The following GPR55 variants were observed in gnomAD, a reference collection of about 807,000 sequenced individuals.
GPR55 encodes G protein-coupled receptor 55, also known as G-protein coupled receptor 55.
A neutral mutation model predicts 7.9 loss-of-function variants in GPR55; 6 were observed. The observed-to-expected ratio is 0.76, with a 90% CI of 0.41 to 1.49. The LOEUF (loss-of-function observed/expected upper bound fraction) is 1.49, where lower values mean the gene tolerates loss of function less well. Ranked by LOEUF, GPR55 falls within the 40% of genes most tolerant of loss-of-function variation. The probability of loss-of-function intolerance (pLI) is 0.01; values close to 1 mark genes in which losing one functional copy is unlikely to be tolerated. For missense variants in GPR55, 376 were observed against 406.0 expected, an observed-to-expected ratio of 0.93 and a Z score of 0.63; for synonymous variants, 183 against 166.8, an observed-to-expected ratio of 1.10 and a Z score of -0.75.
rs778750594 is a variant in GPR55, at chr2:230,910,786, G to A, written c.177C>T (p.Thr59=). Residue 59 remains threonine (T), a synonymous_variant, in exon 2 of 2, where the codon ACC becomes ACT. Coordinates refer to ENST00000650999, the MANE Select transcript of GPR55 (RefSeq NM_005683.4). The surrounding 1 kb of genome is among the most constrained non-coding windows in gnomAD (Gnocchi z 5.4). ...CTGCCAGGTTGATCATGTAGATGGAGGTGGCAGCATAATCGGGCCACCTGT... is the reference window on the plus strand; with the variant it reads ...CTGCCAGGTTGATCATGTAGATGGAAGTGGCAGCATAATCGGGCCACCTGT... ...LKNRWPDYAA[T]SIYMINLAVF... is the part of the protein sequence containing the mutation. 3.1e-6 allele frequency: 5 copies of A among 1,613,888 alleles called. No homozygotes were observed. Among genetic ancestry groups the A allele is most frequent in the Non-Finnish European group, 4.2e-6 (5 of 1,179,768 alleles).
At chr2:230,934,465 G>T (rs1574629813) in intron 1 of GPR55, among the ~76,000 whole-genome samples, 1 of 152,218 alleles carries the variant, frequency 6.6e-6, no homozygotes, top group Non-Finnish European at 1.5e-5. Context: ...TCCACTGAAA[G>T]CCCCAACCCT....
chr2:230,951,520 C>T (rs1691403711), intron 1 of GPR55, among the ~76,000 whole-genome samples: 1 of 152,170 alleles, frequency 6.6e-6, no homozygotes, highest in South Asian at 2.1e-4. Flanking sequence ...TGGCAGATGT[C>T]TAGGGAAGAG....
intron 1 of GPR55, among the ~76,000 whole-genome samples, chr2:230,914,104 G>T (rs2125049328): frequency 6.6e-6 from 1 of 152,318 alleles, no homozygotes; most frequent in African/African-American, 2.4e-5. Context: ...GTTCAAAGTG[G>T]CCAAGAAAAC....
chr2:230,958,032 G>T (rs936308316), intron 1 of GPR55: 2 of 299,112 alleles, frequency 6.7e-6, no homozygotes, highest in Middle Eastern at 5.4e-4. Flanking sequence ...AACATTTTAT[G>T]TACAATAAGC....
chr2:230,957,946 A>G, intron 1 of GPR55: 1 of 479,200 alleles, frequency 2.1e-6, no homozygotes, highest in Non-Finnish European at 4.2e-6. Context: ...GGGCAACAGC[A>G]GCAATTGAAC....
chr2:230,928,124 C>A (rs1690973067), upstream of GPR55, among the ~76,000 whole-genome samples: 1 of 152,154 alleles, frequency 6.6e-6, no homozygotes, highest in Non-Finnish European at 1.5e-5. Context: ...GGGGGAATGG[C>A]AGGAGCCGAG....
At chr2:230,921,472 T>G (rs1283093419) in intron 1 of GPR55, among the ~76,000 whole-genome samples, 1 of 152,238 alleles carries the variant, frequency 6.6e-6, no homozygotes, top group Non-Finnish European at 1.5e-5. Flanking sequence ...AATAGCTGTT[T>G]GTTGGTCCTG....
upstream of GPR55, among the ~76,000 whole-genome samples, chr2:230,926,098 C>T (rs192007842): frequency 6.2e-3 from 938 of 152,294 alleles, 4 homozygotes; most frequent in Non-Finnish European, 8.9e-3. Context: ...AAAAGCTATG[C>T]GTGCTGGGAC....
At chr2:230,934,472 C>T (rs1339910105) in intron 1 of GPR55, among the ~76,000 whole-genome samples, 1 of 152,194 alleles carries the variant, frequency 6.6e-6, no homozygotes, top group African/African-American at 2.4e-5. Context: ...AAAGCCCCAA[C>T]CCTGAGCTCT....
intron 1 of GPR55, among the ~76,000 whole-genome samples, chr2:230,940,928 G>A (rs575870364): frequency 6.6e-6 from 1 of 152,108 alleles, no homozygotes; most frequent in African/African-American, 2.4e-5. Context: ...ACCAGCCTGG[G>A]CAATACGGTG....
rs552068642 is a variant in GPR55, at chr2:230,934,698, G to A, written c.-134-23602C>T. 2.2e-3 allele frequency among the ~76,000 whole-genome samples: 339 copies of A among 152,294 alleles called. 2 individuals carry two copies. Among genetic ancestry groups the A allele is most frequent in the Non-Finnish European group, 4.1e-3 (278 of 68,022 alleles). Reference sequence around the variant, plus strand: ...TGGCCCTGTTTGCTATCTGGGGTGGGGTGAGGATGACCATCTGTTCTGGTT... The same window carrying A: ...TGGCCCTGTTTGCTATCTGGGGTGGAGTGAGGATGACCATCTGTTCTGGTT... On this transcript the variant is annotated intron_variant, in intron 1 of 1. Transcript: ENST00000392039.
In GPR55 at chr2:230,924,529, T is replaced by C. The variant is rs1164290867; in HGVS notation, c.-135+639A>G. ...GGGTTAGAGAACAATGCAGCTATAA[T>C]GTAGGATAGCAACCAGGGCTTTCCT... On this transcript the variant is annotated intron_variant, in intron 1 of 1. Transcript: ENST00000650999. The surrounding 1 kb of genome is among the most constrained non-coding windows in gnomAD (Gnocchi z 4.5). 3 of 152,244 alleles carry C rather than the reference T, an allele frequency of 2.0e-5. No homozygotes were observed. Among genetic ancestry groups the C allele is most frequent in the African/African-American group, 7.2e-5 (3 of 41,456 alleles). 9.4% of individuals were successfully genotyped at this position (152,244 alleles called of 1,614,324 possible).
intron 1 of GPR55, 147 bp downstream of exon 1, chr2:230,925,021 C>T (rs1449060675): frequency 1.3e-5 from 2 of 152,746 alleles, no homozygotes; most frequent in African/African-American, 2.4e-5. Flanking sequence ...ACACCTGGGA[C>T]TGCTCGCTGA....
chr2:230,959,903 T>C (rs1401566462), intron 1 of GPR55, among the ~76,000 whole-genome samples: 1 of 151,272 alleles, frequency 6.6e-6, no homozygotes, highest in Non-Finnish European at 1.5e-5. Context: ...GAGACAGATA[T>C]ATGAAGTGTT....
intron 1 of GPR55, among the ~76,000 whole-genome samples, chr2:230,953,538 C>T (rs1053065139): frequency 5.9e-5 from 9 of 152,368 alleles, no homozygotes; most frequent in African/African-American, 2.2e-4. Context: ...GGACACAGTC[C>T]TGCCAGCACC....
chr2:230,923,573 A>G lies in GPR55; in HGVS notation c.-135+1595T>C, dbSNP rs944674963. Among the ~76,000 whole-genome samples, 3 of 147,856 alleles carry G rather than the reference A, an allele frequency of 2.0e-5. No homozygotes were observed. The highest frequency in any genetic ancestry group is 2.1e-4 in the East Asian group (1 of 4,702). On this transcript the variant is annotated intron_variant, in intron 1 of 1. Coordinates refer to ENST00000650999, the MANE Select transcript of GPR55 (RefSeq NM_005683.4). This position sits in a 1 kb window ranked among gnomAD's most constrained non-coding sequence, Gnocchi z 4.1. ...AGAGCACATGACCACAATCTCCCCA[A>G]TGCCTGAATGTTGCTGGAGCTTGGG...
chr2:230,932,991 C>G (rs544040882), intron 1 of GPR55, among the ~76,000 whole-genome samples: 1 of 152,208 alleles, frequency 6.6e-6, no homozygotes, highest in Non-Finnish European at 1.5e-5. Flanking sequence ...CAGGATCGTG[C>G]TCTCACGCTG....
At chr2:230,952,770 G>A (rs1040171348) in intron 1 of GPR55, among the ~76,000 whole-genome samples, 1 of 152,098 alleles carries the variant, frequency 6.6e-6, no homozygotes, top group African/African-American at 2.4e-5. Flanking sequence ...GCCCCCACAG[G>A]AGCCAGCCTC....
Position 230,917,854 on chromosome 2 carries a change from A to C in GPR55, c.-134-6758T>G, listed in dbSNP as rs187704429. Among the ~76,000 whole-genome samples, 324 of 152,276 alleles carry C rather than the reference A, an allele frequency of 2.1e-3. 4 individuals are homozygous for C. Among genetic ancestry groups the C allele is most frequent in the Non-Finnish European group, 1.6e-3 (111 of 68,022 alleles). Reference sequence around the variant, plus strand: ...CAAAATAATAACAAAAATAATAATGACTATTTAAAAATAAAGTGAGAACTA... The same window carrying C: ...CAAAATAATAACAAAAATAATAATGCCTATTTAAAAATAAAGTGAGAACTA... On this transcript the variant is annotated intron_variant, in intron 1 of 1. Coordinates refer to ENST00000650999, the MANE Select transcript of GPR55 (RefSeq NM_005683.4).
Sources: gnomAD v4.1 joint callset for allele counts (sites outside exome capture counted in the v4.1 genomes callset) on GRCh38, gnomAD v4.1.1 for gene constraint, Gnocchi (gnomAD v3.1) non-coding constraint, MANE v1.5 for transcripts, NCBI Gene and HGNC (gene_info 2026-07-23, HGNC 2026-07-21) for gene names.